TMEM132C: variants seen among roughly 807,000 people sequenced by gnomAD.
TMEM132C encodes the protein transmembrane protein 132C, also known as protein phosphatase 1, regulatory subunit 152.
Under a neutral mutation model 61.4 loss-of-function variants are expected in TMEM132C, and 29 were observed. The ratio of observed to expected loss-of-function variants is 0.47; its 90% CI spans 0.35 to 0.64. The LOEUF is 0.64. TMEM132C is among the 30% of genes least tolerant of loss of function. TMEM132C has a pLI of 0.00. For missense variants in TMEM132C, 1,408 were observed against 1,476.9 expected (o/e 0.95, Z 0.76); for synonymous variants, 656 against 633.1 (o/e 1.04, Z -0.54).
At chr12:128,487,486 G>A (rs1265974502) in intron 2 of TMEM132C, among the ~76,000 whole-genome samples, 1 of 151,872 alleles carries the variant, frequency 6.6e-6, no homozygotes, top group Non-Finnish European at 1.5e-5. Flanking sequence ...GTGTGTGTGT[G>A]TGTGTGTATG....
At chr12:128,540,379 G>A (rs1444386347) in intron 2 of TMEM132C, among the ~76,000 whole-genome samples, 1 of 152,044 alleles carries the variant, frequency 6.6e-6, no homozygotes, top group Non-Finnish European at 1.5e-5. Flanking sequence ...TCAGCCTCCC[G>A]AGTAGCTGGG....
At chr12:128,451,506 C>T (rs1459455309) in intron 2 of TMEM132C, among the ~76,000 whole-genome samples, 1 of 152,134 alleles carries the variant, frequency 6.6e-6, no homozygotes, top group Non-Finnish European at 1.5e-5. Context: ...ATTAATCAAC[C>T]CATTATTCTT....
intron 5 of TMEM132C, among the ~76,000 whole-genome samples, 193 bp downstream of exon 5, chr12:128,669,753 G>A (rs147582106): frequency 6.6e-6 from 1 of 152,128 alleles, no homozygotes. Flanking sequence ...CCTGGTTAGG[G>A]TTTTTGGTTC....
At chr12:128,497,659 C>T (rs1430623324) in intron 2 of TMEM132C, among the ~76,000 whole-genome samples, 2 of 152,152 alleles carry the variant, frequency 1.3e-5, no homozygotes, top group South Asian at 2.1e-4. Flanking sequence ...CCTGGTGTGC[C>T]GTTTGCTAAG....
intron 3 of TMEM132C, among the ~76,000 whole-genome samples, chr12:128,584,416 C>CT (rs2135561598): frequency 6.6e-6 from 1 of 152,322 alleles, no homozygotes; most frequent in Admixed American, 6.5e-5. Flanking sequence ...AACCATAGCA[C>CT]TTTGCACACA....
intron 2 of TMEM132C, among the ~76,000 whole-genome samples, chr12:128,479,427 G>C (rs1218050691): frequency 6.6e-6 from 1 of 152,248 alleles, no homozygotes; most frequent in Non-Finnish European, 1.5e-5. Flanking sequence ...CAAGTCAGCT[G>C]CTTTCGCACA....
chr12:128,535,452 A>G (rs2136139948), intron 2 of TMEM132C, among the ~76,000 whole-genome samples: 1 of 152,376 alleles, frequency 6.6e-6, no homozygotes, highest in Middle Eastern at 3.4e-3. Context: ...ACTTCGCAAA[A>G]GAAGACATCT....
At chr12:128,679,595 A>G (rs1954617538) in intron 5 of TMEM132C, among the ~76,000 whole-genome samples, 1 of 152,144 alleles carries the variant, frequency 6.6e-6, no homozygotes, top group Admixed American at 6.5e-5. Context: ...TGGACCTGAC[A>G]CCCAGTAACA....
intron 2 of TMEM132C, among the ~76,000 whole-genome samples, chr12:128,516,435 G>C (rs1439839750): frequency 6.6e-6 from 1 of 152,184 alleles, no homozygotes. Flanking sequence ...CATGGTGGAA[G>C]AACATCAGGA....
intron 1 of TMEM132C, among the ~76,000 whole-genome samples, chr12:128,407,049 G>A (rs1033064862): frequency 2.6e-5 from 4 of 152,222 alleles, no homozygotes; most frequent in African/African-American, 9.6e-5. Context: ...AGAACATGGT[G>A]ATATGGTTTG....
At chr12:128,376,429 C>T (rs73159812) in intron 1 of TMEM132C, among the ~76,000 whole-genome samples, 6,884 of 152,104 alleles carry the variant, frequency 0.045, 224 homozygotes, top group African/African-American at 0.089. Context: ...AAAAGGCCTT[C>T]GGGACATCTC....
chr12:128,482,485 C>T lies in TMEM132C; in HGVS notation c.975-61472C>T, dbSNP rs143501007. Among the ~76,000 whole-genome samples the T allele has an allele frequency of 4.9e-3, 746 of 152,252 alleles. 5 individuals carry two copies. The highest frequency in any genetic ancestry group is 0.017 in the African/African-American group (720 of 41,534). ...GTTTGGGTATCAGGATGATGCTGGC[C>T]TCATAAAATGAGTTAGGGAAAAGTC... On this transcript the variant is annotated intron_variant, in intron 2 of 8. Transcript: ENST00000435159.
intron 2 of TMEM132C, among the ~76,000 whole-genome samples, chr12:128,502,138 T>C (rs1352396872): frequency 6.6e-6 from 1 of 152,220 alleles, no homozygotes; most frequent in African/African-American, 2.4e-5. Context: ...TGGCACTGCC[T>C]GGATGACACA....
chr12:128,406,872 A>C (rs1875367415), intron 1 of TMEM132C, among the ~76,000 whole-genome samples: 1 of 152,242 alleles, frequency 6.6e-6, no homozygotes, highest in Admixed American at 6.5e-5. Context: ...ACAGCCAGGC[A>C]TGAGTTTCAG....
intron 3 of TMEM132C, 142 bp downstream of exon 3, chr12:128,544,245 T>C (rs1323000243): frequency 3.2e-6 from 4 of 1,237,572 alleles, no homozygotes; most frequent in East Asian, 2.8e-5. Flanking sequence ...TCTGGAGGCA[T>C]TGATATCCAT....
chr12:128,635,993 G>T (rs985259670), intron 4 of TMEM132C, among the ~76,000 whole-genome samples: 38 of 152,310 alleles, frequency 2.5e-4, no homozygotes, highest in Middle Eastern at 3.4e-3. Context: ...TTTATTCCCT[G>T]TGGGAGGCAA....
chr12:128,465,545 G>A (rs1395067548), intron 2 of TMEM132C, among the ~76,000 whole-genome samples: 2 of 152,094 alleles, frequency 1.3e-5, no homozygotes, highest in Non-Finnish European at 2.9e-5. Flanking sequence ...GAGTACACTC[G>A]ACATGCCTAG....
At chr12:128,597,039 A>C (rs916862426) in intron 3 of TMEM132C, among the ~76,000 whole-genome samples, 3 of 152,168 alleles carry the variant, frequency 2.0e-5, no homozygotes, top group Non-Finnish European at 4.4e-5. Context: ...CCCCCCTAGA[A>C]GTGAGTTTCC....
At chr12:128,605,728 C>G (rs1226347580) in intron 3 of TMEM132C, among the ~76,000 whole-genome samples, 1 of 152,140 alleles carries the variant, frequency 6.6e-6, no homozygotes, top group Non-Finnish European at 1.5e-5. Context: ...CTGGGTTTTC[C>G]CTCATTCCCC....
Sources: allele counts gnomAD v4.1 joint callset (sites outside exome capture counted in the v4.1 genomes callset), GRCh38; gene constraint gnomAD v4.1.1; transcripts MANE v1.5; gene names NCBI Gene and HGNC (gene_info 2026-07-23, HGNC 2026-07-21).